ZFAND3: variants seen among roughly 807,000 people sequenced by gnomAD.
ZFAND3 encodes the protein zinc finger AN1-type containing 3.
A neutral mutation model predicts 29.6 loss-of-function variants in ZFAND3; 10 were observed. The observed-to-expected ratio is 0.34, with a 90% confidence interval of 0.21 to 0.57. The LOEUF is 0.57. Among genes scored for constraint, ZFAND3 ranks in the 20% least tolerant of loss-of-function variants. The probability of loss-of-function intolerance (pLI) is 0.86; values close to 1 mark genes in which losing one functional copy is unlikely to be tolerated. For missense variants in ZFAND3, 230 were observed against 304.5 expected (o/e 0.76, Z 1.82); for synonymous variants, 128 against 112.6 (o/e 1.14, Z -0.87).
chr6:37,877,106 A>G (rs1012679577), intron 1 of ZFAND3, among the ~76,000 whole-genome samples: 1 of 152,218 alleles, frequency 6.6e-6, no homozygotes, highest in African/African-American at 2.4e-5. Flanking sequence ...ACACACGTGC[A>G]TGCGACATTT....
At position 38,129,076 on chromosome 6, in the gene ZFAND3, CA is replaced by C. The variant is rs1288281307; in HGVS notation, c.529+12338del. On this transcript the variant is annotated intron_variant, in intron 5 of 5. Transcript: ENST00000287218. ...TGGTTTTGATTTGCCCTTCCCTAAT[CA>C]TTAATGATGTTGAGCATTTTTTCAT... Among the ~76,000 whole-genome samples the C allele has an allele frequency of 2.0e-5, 3 of 152,268 alleles. No individual in the cohort carries two copies. The East Asian group carries it at 5.8e-4, about 29-fold the overall frequency.
At chr6:38,038,652 G>C (rs1319720927) in intron 2 of ZFAND3, among the ~76,000 whole-genome samples, 1 of 151,942 alleles carries the variant, frequency 6.6e-6, no homozygotes, top group Non-Finnish European at 1.5e-5. Context: ...TTTTTTTTAA[G>C]AGAGAGAATA....
At chr6:38,116,916 C>T (rs914110117) in intron 5 of ZFAND3, among the ~76,000 whole-genome samples, 177 bp downstream of exon 5, 1 of 152,140 alleles carries the variant, frequency 6.6e-6, no homozygotes, top group African/African-American at 2.4e-5. Context: ...ATGTTTGCCT[C>T]TAAACACCCT....
At chr6:38,045,081 T>G (rs1036374997) in intron 2 of ZFAND3, among the ~76,000 whole-genome samples, 4 of 148,876 alleles carry the variant, frequency 2.7e-5, no homozygotes, top group African/African-American at 9.8e-5. Context: ...TTTATTTATT[T>G]ATTTATTTAT....
intron 3 of ZFAND3, among the ~76,000 whole-genome samples, chr6:38,078,131 T>C (rs1764589855): frequency 6.6e-6 from 1 of 152,204 alleles, no homozygotes; most frequent in Non-Finnish European, 1.5e-5. Context: ...TCTACTACCA[T>C]ATTGCAAATG....
chr6:38,101,254 A>T (rs57965615), intron 4 of ZFAND3, among the ~76,000 whole-genome samples: 4,971 of 152,218 alleles, frequency 0.033, 223 homozygotes, highest in African/African-American at 0.096. Flanking sequence ...CTTTTTTTAT[A>T]TATAAACCAT....
chr6:38,141,302 A>G (rs1346420456), intron 5 of ZFAND3, among the ~76,000 whole-genome samples: 1 of 152,144 alleles, frequency 6.6e-6, no homozygotes, highest in African/African-American at 2.4e-5. Flanking sequence ...AGTCTTGGGG[A>G]AATAGACATG....
chr6:37,939,913 G>A (rs1391928158), intron 2 of ZFAND3, among the ~76,000 whole-genome samples: 8 of 152,002 alleles, frequency 5.3e-5, no homozygotes, highest in Non-Finnish European at 7.4e-5. Flanking sequence ...GGTGGTGCAC[G>A]CCTGTAATCC....
At chr6:38,061,153 A>G (rs1217539340) in intron 2 of ZFAND3, among the ~76,000 whole-genome samples, 1 of 152,198 alleles carries the variant, frequency 6.6e-6, no homozygotes, top group Non-Finnish European at 1.5e-5. Context: ...GTCTGTTTAC[A>G]TTTATTACCA....
chr6:37,934,286 G>A (rs1019256945), intron 2 of ZFAND3, among the ~76,000 whole-genome samples: 4 of 151,780 alleles, frequency 2.6e-5, no homozygotes, highest in Admixed American at 2.0e-4. Context: ...GGGTTCAAGC[G>A]ATTCCAAAGG....
At chr6:37,888,740 G>C (rs1765043564) in intron 1 of ZFAND3, among the ~76,000 whole-genome samples, 1 of 152,142 alleles carries the variant, frequency 6.6e-6, no homozygotes, top group Non-Finnish European at 1.5e-5. Context: ...CTTTCTCTTT[G>C]ATGTTGCTGA....
At chr6:38,054,484 A>AT (rs1163693063) in intron 2 of ZFAND3, among the ~76,000 whole-genome samples, 3 of 151,820 alleles carry the variant, frequency 2.0e-5, no homozygotes, top group Non-Finnish European at 4.4e-5. Flanking sequence ...AGAGAGTCTG[A>AT]TTTTTTAAAT....
At chr6:38,095,822 A>C (rs1462447623) in intron 4 of ZFAND3, among the ~76,000 whole-genome samples, 1 of 152,158 alleles carries the variant, frequency 6.6e-6, no homozygotes, top group Non-Finnish European at 1.5e-5. Flanking sequence ...GCTTGAGCCC[A>C]GGAATTGGAG....
At position 37,886,237 on chromosome 6, in the gene ZFAND3, CAAAAAAAAAAAAAAAAAAAAAAAAAA is replaced by C. The variant is rs55661554; in HGVS notation, c.72-43703_72-43678del. On this transcript the variant is annotated intron_variant, in intron 1 of 5. Transcript: ENST00000287218. ...TAGGCTACAGAGCGAGACTCTGTCTCAAAAAAAAAAAAAAAAAAAAAAAAAAAAAAAAAAAAAAAAAAAAGTTCAAA... is the reference window on the plus strand; with the variant it reads ...TAGGCTACAGAGCGAGACTCTGTCTCAAAAAAAAAAAAAAAAAAGTTCAAA... Among the ~76,000 whole-genome samples, 349 of 95,294 alleles carry C rather than the reference CAAAAAAAAAAAAAAAAAAAAAAAAAA, an allele frequency of 3.7e-3. 4 individuals carry two copies. Among genetic ancestry groups the C allele is most frequent in the African/African-American group, 0.012 (331 of 28,030 alleles). The allele number at this position is 95,294 out of a possible 152,430, so 62.5% of individuals were successfully genotyped here.
rs1766262700 is a variant in ZFAND3 at position 38,152,928 on chromosome 6, C to T, written c.*539C>T. ...GCCACGTGGCTGGGCTGGGTGGTGG[C>T]CTCACTCTCCCACAGAGCTGGAAAT... is the stretch of plus-strand genomic sequence containing the variant. On this transcript the variant is annotated 3_prime_UTR_variant, in exon 6 of 6. Coordinates refer to ENST00000287218, the MANE Select transcript of ZFAND3 (RefSeq NM_021943.3). 4 of 985,734 alleles carry T rather than the reference C, an allele frequency of 4.1e-6. No homozygotes were observed. Among genetic ancestry groups the T allele is most frequent in the Non-Finnish European group, 4.8e-6 (4 of 829,962 alleles). The allele number at this position is 985,734 out of a possible 1,614,324, so 61.1% of individuals were successfully genotyped here. A position where few individuals can be genotyped will look rare whatever the true frequency, so the allele number is the denominator to read the frequency against.
intron 3 of ZFAND3, among the ~76,000 whole-genome samples, chr6:38,077,615 T>C (rs1561990922): frequency 6.6e-6 from 1 of 152,228 alleles, no homozygotes; most frequent in Non-Finnish European, 1.5e-5. Flanking sequence ...ATTGATGTGC[T>C]GTTATTTGTG....
intron 5 of ZFAND3, among the ~76,000 whole-genome samples, chr6:38,151,255 C>T (rs11757371): frequency 0.061 from 9,278 of 152,228 alleles, 372 homozygotes; most frequent in Non-Finnish European, 0.092. Flanking sequence ...GCTCCCTGCT[C>T]GATAGGCCTC....
chr6:38,041,672 TCTTCTTCTTCTTCTC>T (rs1561976720), intron 2 of ZFAND3, among the ~76,000 whole-genome samples: 1 of 22,316 alleles, frequency 4.5e-5, no homozygotes, highest in African/African-American at 1.7e-4. Flanking sequence ...TTCTTCTTCT[TCTTCTTCTTCTTCTC>T]CTTCTCCTTC....
rs1762961012 is a variant in ZFAND3, at chr6:38,002,228, T to TGATACCCTCAGGAAGCTTATAGTTTG, written c.113-59340_113-59339insGGATACCCTCAGGAAGCTTATAGTTT. Among the ~76,000 whole-genome samples the TGATACCCTCAGGAAGCTTATAGTTTG allele has an allele frequency of 3.4e-4, 52 of 151,888 alleles. 1 individual carries two copies. Among genetic ancestry groups the TGATACCCTCAGGAAGCTTATAGTTTG allele is most frequent in the Admixed American group, 3.4e-3 (52 of 15,248 alleles). On this transcript the variant is annotated intron_variant, in intron 2 of 5. Transcript: ENST00000287218. Reference sequence around the variant, plus strand: ...AATGAAGACATAATGGATACAAAGATGATACCCTCAGGAAGCTTATAGTTT... The same window carrying TGATACCCTCAGGAAGCTTATAGTTTG: ...AATGAAGACATAATGGATACAAAGATGATACCCTCAGGAAGCTTATAGTTTGGATACCCTCAGGAAGCTTATAGTTT...
Sources: allele counts gnomAD v4.1 joint callset (sites outside exome capture counted in the v4.1 genomes callset), GRCh38; gene constraint gnomAD v4.1.1; transcripts MANE v1.5; gene names NCBI Gene and HGNC (gene_info 2026-07-23, HGNC 2026-07-21).